The following MYT1L variants were observed in gnomAD, a reference collection of about 807,000 sequenced individuals.
MYT1L encodes myelin transcription factor 1-like protein.
MYT1L carries 12 observed loss-of-function variants against 126.7 expected under a neutral mutation model. The observed-to-expected ratio is 0.09, with a 90% CI of 0.06 to 0.15. MYT1L has a LOEUF of 0.15. MYT1L is among the 10% of genes least tolerant of loss of function. MYT1L has a pLI of 1.00. For missense variants in MYT1L, 979 were observed against 1,585.2 expected, an observed-to-expected ratio of 0.62 and a Z score of 6.49; for synonymous variants, 541 against 604.2, an observed-to-expected ratio of 0.90 and a Z score of 1.53.
intron 3 of MYT1L, among the ~76,000 whole-genome samples, chr2:2,135,333 C>T (rs886125490): frequency 2.6e-5 from 4 of 152,204 alleles, no homozygotes; most frequent in Non-Finnish European, 4.4e-5. Flanking sequence ...TTTCCTGCTG[C>T]CATGTAAGAC....
chr2:1,933,554 GT>G (rs1339062120), intron 9 of MYT1L, among the ~76,000 whole-genome samples: 2 of 152,236 alleles, frequency 1.3e-5, no homozygotes, highest in South Asian at 2.1e-4. Flanking sequence ...TGTAAGGGAA[GT>G]TTTTTCTGAA....
At chr2:2,262,732 A>G (rs2095007040) in intron 2 of MYT1L, among the ~76,000 whole-genome samples, 1 of 150,596 alleles carries the variant, frequency 6.6e-6, no homozygotes, top group Non-Finnish European at 1.5e-5. Flanking sequence ...CAGCTATAAC[A>G]TCTGACCTGT....
At chr2:1,955,609 C>T (rs1188085593) in intron 8 of MYT1L, among the ~76,000 whole-genome samples, 1 of 152,132 alleles carries the variant, frequency 6.6e-6, no homozygotes, top group Non-Finnish European at 1.5e-5. Context: ...GGGCATCAGG[C>T]TACAAATAAT....
chr2:1,793,579 G>A lies in MYT1L; in HGVS notation c.3277-1115C>T, dbSNP rs1428501014. Among the ~76,000 whole-genome samples the A allele has an allele frequency of 1.3e-5, 2 of 152,082 alleles. No individual in the cohort carries two copies. The highest frequency in any genetic ancestry group is 2.4e-5 in the African/African-American group (1 of 41,414). On this transcript the variant is annotated intron_variant, in intron 23 of 24. Coordinates refer to ENST00000647738, the MANE Select transcript of MYT1L (RefSeq NM_001303052.2). The surrounding 1 kb of genome is among the most constrained non-coding windows in gnomAD (Gnocchi z 4.6). ...CCTTGGCTGTACTGGGTCAAATCCCGGGTTCTCCCAGTCACCAGCCTCAGG... is the reference window on the plus strand; with the variant it reads ...CCTTGGCTGTACTGGGTCAAATCCCAGGTTCTCCCAGTCACCAGCCTCAGG...
chr2:2,130,695 T>C (rs1037111143), intron 3 of MYT1L, among the ~76,000 whole-genome samples: 2 of 152,184 alleles, frequency 1.3e-5, no homozygotes, highest in African/African-American at 4.8e-5. Context: ...AACTTCATAG[T>C]ACAACCACGG....
At chr2:1,953,687 G>A (rs2058087835) in intron 8 of MYT1L, among the ~76,000 whole-genome samples, 2 of 152,236 alleles carry the variant, frequency 1.3e-5, no homozygotes. Flanking sequence ...AAGCAAAGGG[G>A]TGGGTGTTCA....
chr2:2,299,835 AT>A (rs1347400809), intron 1 of MYT1L, among the ~76,000 whole-genome samples: 3 of 152,188 alleles, frequency 2.0e-5, no homozygotes, highest in Non-Finnish European at 4.4e-5. Flanking sequence ...TTTCCATGTC[AT>A]CATAATCTTT....
At chr2:2,281,351 T>C (rs1364124304) in intron 2 of MYT1L, among the ~76,000 whole-genome samples, 1 of 152,264 alleles carries the variant, frequency 6.6e-6, no homozygotes. Flanking sequence ...AGTGTGAGAA[T>C]GAACTAGTAC....
intron 2 of MYT1L, among the ~76,000 whole-genome samples, chr2:2,253,242 CTTTT>C: frequency 6.6e-6 from 1 of 152,236 alleles, no homozygotes; most frequent in Non-Finnish European, 1.5e-5. Flanking sequence ...CCAGCTGCAG[CTTTT>C]GCTGCCCCCC....
intron 4 of MYT1L, among the ~76,000 whole-genome samples, chr2:2,031,245 C>T (rs1327958317): frequency 6.6e-6 from 1 of 152,218 alleles, no homozygotes; most frequent in Non-Finnish European, 1.5e-5. Context: ...AAGCCACAGG[C>T]AAGCTTGCAT....
chr2:2,305,009 A>T (rs1009438140), intron 1 of MYT1L, among the ~76,000 whole-genome samples: 13 of 152,238 alleles, frequency 8.5e-5, no homozygotes, highest in African/African-American at 3.1e-4. Flanking sequence ...AAGATATCTC[A>T]TTAAAATTAT....
At chr2:1,925,755 C>T (rs372721231) in intron 9 of MYT1L, among the ~76,000 whole-genome samples, 5 of 152,126 alleles carry the variant, frequency 3.3e-5, no homozygotes, top group Admixed American at 1.3e-4. Flanking sequence ...GTCCTCATAC[C>T]GCATTGATAT....
intron 8 of MYT1L, among the ~76,000 whole-genome samples, chr2:1,959,905 T>C (rs1167060057): frequency 1.3e-5 from 2 of 152,236 alleles, no homozygotes; most frequent in Non-Finnish European, 2.9e-5. Context: ...TACATTTAGA[T>C]AGAAGAAGAC....
At chr2:2,185,043 GACAGC>G (rs948184851) in intron 2 of MYT1L, among the ~76,000 whole-genome samples, 1 of 152,112 alleles carries the variant, frequency 6.6e-6, no homozygotes. Flanking sequence ...GATCCACTGA[GACAGC>G]ACAGCTCCTG....
At chr2:1,936,817 C>G (rs900018411) in intron 9 of MYT1L, among the ~76,000 whole-genome samples, 3 of 152,138 alleles carry the variant, frequency 2.0e-5, no homozygotes, top group East Asian at 1.9e-4. Context: ...CCCCTCACCC[C>G]CTCCATGCTG....
Position 1,799,516 on chromosome 2 carries a change from C to T in MYT1L, c.3276+2180G>A, listed in dbSNP as rs368026050. 1.3e-4 allele frequency among the ~76,000 whole-genome samples: 20 copies of T among 152,318 alleles called. No individual in the cohort carries two copies. The South Asian group carries it at 2.3e-3, about 17-fold the overall frequency. ...GCCACGGAGCAGCAGGCCTTCACTG[C>T]AGAAGGAGGGGTTTTGGAAAGTGGG... On this transcript the variant is annotated intron_variant, in intron 23 of 24. Transcript: ENST00000647738.
At chr2:1,962,205 G>C (rs1274453160) in intron 8 of MYT1L, among the ~76,000 whole-genome samples, 1 of 152,144 alleles carries the variant, frequency 6.6e-6, no homozygotes, top group Non-Finnish European at 1.5e-5. Flanking sequence ...ATCTAAAGTA[G>C]ACTGTGTCTA....
intron 3 of MYT1L, among the ~76,000 whole-genome samples, chr2:2,147,745 G>A (rs886478201): frequency 2.0e-5 from 3 of 152,172 alleles, no homozygotes; most frequent in Admixed American, 1.3e-4. Flanking sequence ...GCACAAGAAG[G>A]CAGGGTGTCT....
At chr2:1,854,767 G>T (rs2043695040) in intron 18 of MYT1L, among the ~76,000 whole-genome samples, 1 of 152,194 alleles carries the variant, frequency 6.6e-6, no homozygotes, top group Non-Finnish European at 1.5e-5. Flanking sequence ...TGAATGTGGG[G>T]AAGCTGTTTG....
Sources: allele counts gnomAD v4.1 joint callset (sites outside exome capture counted in the v4.1 genomes callset), GRCh38; gene constraint gnomAD v4.1.1; non-coding constraint Gnocchi (gnomAD v3.1); transcripts MANE v1.5; gene names NCBI Gene and HGNC (gene_info 2026-07-23, HGNC 2026-07-21).